SLCO5A1: variants seen among roughly 807,000 people sequenced by gnomAD.
SLCO5A1 encodes the protein organic anion transporter polypeptide-related protein 4.
A neutral mutation model predicts 65.1 loss-of-function variants in SLCO5A1; 39 were observed. That is an observed-to-expected ratio of 0.60 (90% CI 0.46 to 0.78). The LOEUF (loss-of-function observed/expected upper bound fraction) is 0.78, where lower values mean the gene tolerates loss of function less well. Among genes scored for constraint, SLCO5A1 ranks in the 30% least tolerant of loss-of-function variants. SLCO5A1 has a pLI of 0.00. For missense variants in SLCO5A1, 1,029 were observed against 1,069.4 expected (o/e 0.96, Z 0.53); for synonymous variants, 438 against 415.7 (o/e 1.05, Z -0.65).
intron 5 of SLCO5A1, among the ~76,000 whole-genome samples, chr8:69,713,141 G>A (rs1363893376): frequency 2.0e-5 from 3 of 152,204 alleles, no homozygotes; most frequent in African/African-American, 7.2e-5. Context: ...TGAAATTACA[G>A]TGGTACAGAA....
intron 2 of SLCO5A1, among the ~76,000 whole-genome samples, chr8:69,763,614 C>CAAAAAAA (rs770191440): frequency 2.3e-4 from 3 of 13,168 alleles, no homozygotes; most frequent in Non-Finnish European, 3.3e-4. Context: ...AGCAAGACTC[C>CAAAAAAA]AAAAAAAAAA....
intron 6 of SLCO5A1, among the ~76,000 whole-genome samples, chr8:69,685,259 T>C (rs1192242465): frequency 1.3e-5 from 2 of 152,206 alleles, no homozygotes; most frequent in African/African-American, 4.8e-5. Context: ...TGTCTGATTG[T>C]CATTCACTCT....
chr8:69,743,275 ATG>A (rs1265055508), intron 4 of SLCO5A1, among the ~76,000 whole-genome samples: 1 of 152,204 alleles, frequency 6.6e-6, no homozygotes, highest in African/African-American at 2.4e-5. Context: ...GGGTTCCAGC[ATG>A]TGTGAATATT....
chr8:69,779,935 A>T (rs1051866355), intron 2 of SLCO5A1, among the ~76,000 whole-genome samples: 1 of 152,206 alleles, frequency 6.6e-6, no homozygotes, highest in African/African-American at 2.4e-5. Context: ...TCCAGAATTT[A>T]TAAGGAACTC....
At position 69,826,373 on chromosome 8, in the gene SLCO5A1, C is replaced by G. The variant is rs1056925387; in HGVS notation, c.907+5394G>C. ...ACAAAATGGGAGAAAATTTTCGCAACCTACTCATCTGACAAAGGGCTAATA... is the reference window on the plus strand; with the variant it reads ...ACAAAATGGGAGAAAATTTTCGCAAGCTACTCATCTGACAAAGGGCTAATA... On this transcript the variant is annotated intron_variant, in intron 2 of 9. Coordinates refer to ENST00000260126, the MANE Select transcript of SLCO5A1 (RefSeq NM_030958.3). Among the ~76,000 whole-genome samples the G allele has an allele frequency of 4.6e-5, 7 of 151,778 alleles. No homozygotes were observed. In the East Asian group the frequency reaches 5.8e-4, roughly 13 times the overall value.
intron 2 of SLCO5A1, among the ~76,000 whole-genome samples, chr8:69,790,231 T>C (rs1819210532): frequency 6.6e-6 from 1 of 151,506 alleles, no homozygotes; most frequent in Non-Finnish European, 1.5e-5. Flanking sequence ...TTGGATTGTT[T>C]GTAACTCAAA....
Position 69,668,629 on chromosome 8 carries a change from T to C in SLCO5A1, c.*4240A>G, listed in dbSNP as rs921879322. 3.9e-5 allele frequency: 6 copies of C among 152,162 alleles called. No individual in the cohort carries two copies. The highest frequency in any genetic ancestry group is 1.4e-4 in the African/African-American group (6 of 41,448). The allele number at this position is 152,162 out of a possible 1,614,324, so 9.4% of individuals were successfully genotyped here. On this transcript the variant is annotated 3_prime_UTR_variant, in exon 10 of 10. Transcript: ENST00000260126. ...TCAGCTCCATCCAAACTCTAAAGTT[T>C]CTCTTTGGTACATGCACGGTTTCTA... is the stretch of plus-strand genomic sequence containing the variant.
At chr8:69,683,966 C>A (rs538462425) in intron 6 of SLCO5A1, among the ~76,000 whole-genome samples, 7 of 152,266 alleles carry the variant, frequency 4.6e-5, no homozygotes, top group African/African-American at 1.7e-4. Flanking sequence ...TCTCCTGTGG[C>A]CTCTTTCAAA....
intron 2 of SLCO5A1, among the ~76,000 whole-genome samples, chr8:69,811,140 A>G (rs1463145422): frequency 1.3e-5 from 2 of 152,158 alleles, no homozygotes; most frequent in African/African-American, 4.8e-5. Flanking sequence ...AGGGCTCTGG[A>G]GTTACTCCCA....
rs764053529 is a variant in SLCO5A1 at position 69,755,612 on chromosome 8, G to A, written c.1070C>T (p.Ala357Val). The change falls in exon 4 of 10, where the codon GCA becomes GTA. Residue 357 changes from alanine (A) to valine (V), a missense_variant. Ala to Val is a moderately conservative substitution (Grantham distance 64). Transcript: ENST00000260126. ...WWSGFLLCAI[A>V]MFLVIFPMFT... The stretch of plus-strand genomic sequence containing the variant: ...CATTGGGAATATCACAAGAAACATT[G>A]CAATGGCACAAAGGAGGAATCCACT... 2 of 1,613,762 alleles carry A rather than the reference G, an allele frequency of 1.2e-6. No individual in the cohort carries two copies. Among genetic ancestry groups the A allele is most frequent in the Non-Finnish European group, 1.7e-6 (2 of 1,179,916 alleles).
chr8:69,764,917 G>T (rs756789439), intron 2 of SLCO5A1, among the ~76,000 whole-genome samples: 1 of 152,138 alleles, frequency 6.6e-6, no homozygotes, highest in Non-Finnish European at 1.5e-5. Flanking sequence ...ATCTTGGAGT[G>T]GCAAGCGGGA....
intron 6 of SLCO5A1, among the ~76,000 whole-genome samples, chr8:69,687,551 T>C (rs1299703337): frequency 6.6e-6 from 1 of 152,230 alleles, no homozygotes; most frequent in Non-Finnish European, 1.5e-5. Context: ...GTCACTTATA[T>C]GGCTTTTCAA....
chr8:69,706,252 A>C (rs1814964530), intron 5 of SLCO5A1, among the ~76,000 whole-genome samples: 4 of 152,208 alleles, frequency 2.6e-5, no homozygotes, highest in Non-Finnish European at 2.9e-5. Flanking sequence ...ATTGTCTGGG[A>C]ATGCACAAAC....
Position 69,831,874 on chromosome 8 carries a change from A to C in SLCO5A1, c.800T>G (p.Phe267Cys), listed in dbSNP as rs764425954. The C allele has an allele frequency of 6.2e-7, 1 of 1,613,638 alleles. No individual in the cohort carries two copies. The highest frequency in any genetic ancestry group is 8.5e-7 in the Non-Finnish European group (1 of 1,179,902). ...GNNHWVYVAL[F>C]ICAQILIGMG... ...TCCAATGAGAATCTGCGCGCAAATG[A>C]ATAAAGCCACGTAGACCCAGTGATT... Residue 267 changes from phenylalanine (F) to cysteine (C), a missense_variant, in exon 2 of 10, where the codon TTC becomes TGC. Phe to Cys is a radical substitution (Grantham distance 205). Coordinates refer to ENST00000260126, the MANE Select transcript of SLCO5A1 (RefSeq NM_030958.3).
At chr8:69,793,359 A>C (rs1459316174) in intron 2 of SLCO5A1, among the ~76,000 whole-genome samples, 1 of 149,940 alleles carries the variant, frequency 6.7e-6, no homozygotes, top group Non-Finnish European at 1.5e-5. Context: ...ATTTGGTATC[A>C]AAAAAAAAAT....
chr8:69,790,240 A>T (rs1213196679), intron 2 of SLCO5A1, among the ~76,000 whole-genome samples: 1 of 151,886 alleles, frequency 6.6e-6, no homozygotes, highest in African/African-American at 2.4e-5. Context: ...TTGTAACTCA[A>T]AGGATAAATG....
At chr8:69,815,859 C>T (rs1236529416) in intron 2 of SLCO5A1, among the ~76,000 whole-genome samples, 1 of 152,116 alleles carries the variant, frequency 6.6e-6, no homozygotes, top group Non-Finnish European at 1.5e-5. Context: ...CTGGAGCACA[C>T]CATAGTAACT....
chr8:69,832,577 G>A lies in SLCO5A1; in HGVS notation c.97C>T (p.Leu33Phe), dbSNP rs3750266. The A allele has an allele frequency of 0.44, 702,463 of 1,612,568 alleles. 157,017 individuals are homozygous for A. Among genetic ancestry groups the A allele is most frequent in the African/African-American group, 0.68 (51,272 of 74,972 alleles). ...AVQERCEPET[L>F]RSKSLPVLSS... ...AGGACCGGTAAACTCTTAGACCTGA[G>A]GGTCTCCGGCTCGCACCTCTCTTGG... The change falls in exon 2 of 10, where the codon CTC (leucine) becomes TTC (phenylalanine). Residue 33 changes from leucine to phenylalanine, a missense_variant. Around this residue, in one of 3 missense-constraint regions of SLCO5A1, gnomAD observed 647 missense variants for 647.5 expected, o/e 1.00. Transcript: ENST00000260126. The surrounding 1 kb of genome is among the most constrained non-coding windows in gnomAD (Gnocchi z 4.5).
At chr8:69,818,102 C>T (rs1370681376) in intron 2 of SLCO5A1, among the ~76,000 whole-genome samples, 2 of 152,216 alleles carry the variant, frequency 1.3e-5, no homozygotes, top group Non-Finnish European at 1.5e-5. Context: ...TCTCACTGAA[C>T]TTATTAGTGA....
Sources: allele counts gnomAD v4.1 joint callset (sites outside exome capture counted in the v4.1 genomes callset), GRCh38; gene constraint gnomAD v4.1.1; regional missense constraint gnomAD v4.1.1; non-coding constraint Gnocchi (gnomAD v3.1); transcripts MANE v1.5; gene names NCBI Gene and HGNC (gene_info 2026-07-23, HGNC 2026-07-21).